The following TBC1D5 variants were observed in gnomAD, a reference collection of about 807,000 sequenced individuals.
TBC1D5 encodes TBC1 domain family, member 5.
Under a neutral mutation model 100.3 loss-of-function variants are expected in TBC1D5, and 75 were observed. The ratio of observed to expected loss-of-function variants is 0.75; its 90% CI spans 0.62 to 0.91. The LOEUF (loss-of-function observed/expected upper bound fraction) is 0.91, where lower values mean the gene tolerates loss of function less well. Ranked by LOEUF, TBC1D5 falls within the 40% of genes least tolerant of loss-of-function variation. The pLI is 0.00. For synonymous variants in TBC1D5, 323 were observed against 325.6 expected (o/e 0.99, Z 0.09); for missense variants, 910 against 942.4 (o/e 0.97, Z 0.45).
intron 1 of TBC1D5, among the ~76,000 whole-genome samples, chr3:17,695,663 C>T (rs1223060842): frequency 2.0e-5 from 3 of 152,020 alleles, no homozygotes; most frequent in Non-Finnish European, 4.4e-5. Context: ...ACTTTAACAC[C>T]CCACTGTCAA....
intron 4 of TBC1D5, among the ~76,000 whole-genome samples, chr3:17,409,616 A>G (rs10212255): frequency 0.41 from 61,721 of 151,922 alleles, 13,227 homozygotes; most frequent in Middle Eastern, 0.46. Flanking sequence ...AAGGAACTCA[A>G]AAGTGCTACT....
At chr3:17,534,762 C>T (rs1451661111) in intron 2 of TBC1D5, among the ~76,000 whole-genome samples, 1 of 152,030 alleles carries the variant, frequency 6.6e-6, no homozygotes, top group Non-Finnish European at 1.5e-5. Flanking sequence ...TTACTGTTTC[C>T]CTTTAAAGGA....
At chr3:17,186,420 G>A (rs903532021) in intron 18 of TBC1D5, among the ~76,000 whole-genome samples, 20 of 152,088 alleles carry the variant, frequency 1.3e-4, no homozygotes, top group African/African-American at 4.6e-4. Context: ...ACAGAAAACA[G>A]AAGTAGTGCT....
chr3:17,738,389 A>C (rs1223029595), intron 1 of TBC1D5, among the ~76,000 whole-genome samples: 1 of 152,014 alleles, frequency 6.6e-6, no homozygotes, highest in African/African-American at 2.4e-5. Context: ...ACATACACAC[A>C]CACACACACA....
intron 13 of TBC1D5, among the ~76,000 whole-genome samples, chr3:17,354,672 A>G (rs2091022946): frequency 6.6e-6 from 1 of 151,954 alleles, no homozygotes. Flanking sequence ...TATGATGTGC[A>G]ATCACTGTAA....
chr3:17,284,516 A>G (rs1341474659), intron 15 of TBC1D5, among the ~76,000 whole-genome samples: 6 of 152,192 alleles, frequency 3.9e-5, no homozygotes, highest in African/African-American at 1.4e-4. Context: ...TTTTTTATAT[A>G]CCATTATATC....
At chr3:17,193,388 C>T (rs2070225759) in intron 18 of TBC1D5, among the ~76,000 whole-genome samples, 1 of 152,352 alleles carries the variant, frequency 6.6e-6, no homozygotes, top group Admixed American at 6.5e-5. Context: ...ATCAACTTCA[C>T]ATTCTCTTCA....
intron 2 of TBC1D5, chr3:17,524,525 T>C (rs1215567066): frequency 6.6e-6 from 1 of 152,262 alleles, no homozygotes; most frequent in Middle Eastern, 3.4e-3. Context: ...GTTTATAAAT[T>C]ATGGTAATCA....
At chr3:17,635,758 T>A (rs2063859352) in intron 1 of TBC1D5, among the ~76,000 whole-genome samples, 1 of 152,206 alleles carries the variant, frequency 6.6e-6, no homozygotes, top group Non-Finnish European at 1.5e-5. Flanking sequence ...GGTGCAGGCT[T>A]CTGTTCTAAC....
chr3:17,560,631 G>A (rs1006579450), intron 2 of TBC1D5, among the ~76,000 whole-genome samples: 1 of 150,080 alleles, frequency 6.7e-6, no homozygotes, highest in Non-Finnish European at 1.5e-5. Context: ...AAAAAAAAAG[G>A]GGGGGTGGGG....
intron 13 of TBC1D5, among the ~76,000 whole-genome samples, chr3:17,339,795 T>C (rs1298369381): frequency 6.6e-6 from 1 of 152,068 alleles, no homozygotes; most frequent in Non-Finnish European, 1.5e-5. Flanking sequence ...TAGTGAGGAG[T>C]TCATTTTAAG....
intron 4 of TBC1D5, among the ~76,000 whole-genome samples, chr3:17,416,780 C>G (rs924915585): frequency 6.6e-6 from 1 of 152,134 alleles, no homozygotes; most frequent in African/African-American, 2.4e-5. Flanking sequence ...TTTTCACACA[C>G]ATACCTGAAA....
At chr3:17,645,479 G>A (rs747074480) in intron 1 of TBC1D5, among the ~76,000 whole-genome samples, 2 of 151,994 alleles carry the variant, frequency 1.3e-5, no homozygotes, top group African/African-American at 4.8e-5. Context: ...CGACCACTTC[G>A]GCAACTAAAT....
chr3:17,579,281 T>C (rs532350834), intron 2 of TBC1D5, among the ~76,000 whole-genome samples: 2 of 152,112 alleles, frequency 1.3e-5, no homozygotes, highest in Admixed American at 1.3e-4. Flanking sequence ...CTTTGTAAAA[T>C]AGAAATATTT....
exon 22 of TBC1D5, chr3:17,158,401 A>G (rs1042285264): frequency 4.6e-5 from 7 of 152,182 alleles, no homozygotes; most frequent in Non-Finnish European, 1.0e-4. Flanking sequence ...ATCTGATAAT[A>G]TAATAAAAAG....
At chr3:17,479,970 G>A (rs1195363248) in intron 3 of TBC1D5, among the ~76,000 whole-genome samples, 3 of 152,182 alleles carry the variant, frequency 2.0e-5, no homozygotes, top group African/African-American at 7.2e-5. Context: ...TGTGCTCTTG[G>A]GGTCCCAGGA....
At chr3:17,397,213 A>T (rs2093531415) in intron 8 of TBC1D5, among the ~76,000 whole-genome samples, 1 of 152,112 alleles carries the variant, frequency 6.6e-6, no homozygotes, top group Non-Finnish European at 1.5e-5. Flanking sequence ...GAATCCAGAA[A>T]ATATCAAATA....
At chr3:17,608,284 A>G (rs2061463039) in intron 2 of TBC1D5, among the ~76,000 whole-genome samples, 1 of 152,160 alleles carries the variant, frequency 6.6e-6, no homozygotes, top group Non-Finnish European at 1.5e-5. Flanking sequence ...AGAGTAAGAC[A>G]CAGATGCCCA....
chr3:17,215,627 T>C (rs1052213108), intron 17 of TBC1D5, among the ~76,000 whole-genome samples: 3 of 152,148 alleles, frequency 2.0e-5, no homozygotes, highest in South Asian at 2.1e-4. Flanking sequence ...GTCAGTACCA[T>C]AGAGACTGTA....
Sources: allele counts gnomAD v4.1 joint callset (sites outside exome capture counted in the v4.1 genomes callset), GRCh38; gene constraint gnomAD v4.1.1; transcripts MANE v1.5; gene names NCBI Gene and HGNC (gene_info 2026-07-23, HGNC 2026-07-21).